EIPR1: variants seen among roughly 807,000 people sequenced by gnomAD.
The protein encoded by EIPR1 is EARP complex and GARP complex interacting protein 1.
Under a neutral mutation model 48.1 loss-of-function variants are expected in EIPR1, and 25 were observed. The observed-to-expected ratio is 0.52, with a 90% CI of 0.38 to 0.73. The LOEUF (loss-of-function observed/expected upper bound fraction) is 0.73. Among genes scored for constraint, EIPR1 ranks in the 30% least tolerant of loss-of-function variants. EIPR1 has a pLI of 0.00. For synonymous variants in EIPR1, 204 were observed against 201.9 expected, an observed-to-expected ratio of 1.01 and a Z score of -0.09; for missense variants, 415 against 506.2, an observed-to-expected ratio of 0.82 and a Z score of 1.73.
At chr2:3,289,038 G>A (rs545686149) in intron 3 of EIPR1, among the ~76,000 whole-genome samples, 3 of 152,316 alleles carry the variant, frequency 2.0e-5, no homozygotes, top group Admixed American at 6.5e-5. Context: ...TGACGCTCAC[G>A]CACTGCTCAG....
Position 3,198,827 on chromosome 2 carries a change from A to G in EIPR1, c.517-1810T>C, listed in dbSNP as rs1664900220. Among the ~76,000 whole-genome samples the G allele has an allele frequency of 2.0e-5, 3 of 152,170 alleles. No homozygotes were observed. The South Asian group carries it at 6.2e-4, about 32-fold the overall frequency. ...GGCAGAAGGTCAGGGTGAGATCACA[A>G]GGTCAGGGCGAAACTACAACCACTA... On this transcript the variant is annotated intron_variant, in intron 5 of 8. Transcript: ENST00000382125.
chr2:3,328,930 C>T (rs1669791196), intron 3 of EIPR1, among the ~76,000 whole-genome samples: 1 of 138,656 alleles, frequency 7.2e-6, no homozygotes, highest in Non-Finnish European at 1.6e-5. Context: ...TCAGAGCCCA[C>T]CTACCACGCT....
At chr2:3,353,702 T>C (rs115705020) in intron 2 of EIPR1, among the ~76,000 whole-genome samples, 2,151 of 152,286 alleles carry the variant, frequency 0.014, 47 homozygotes, top group African/African-American at 0.05. Context: ...AACATTTATT[T>C]ATGAAGCTCT....
intron 3 of EIPR1, among the ~76,000 whole-genome samples, chr2:3,335,718 T>C (rs1054828167): frequency 1.3e-5 from 2 of 152,190 alleles, no homozygotes; most frequent in African/African-American, 2.4e-5. Flanking sequence ...GCTGTTCTTG[T>C]GACAGTAAGA....
chr2:3,374,451 A>C (rs1231931295), intron 1 of EIPR1, among the ~76,000 whole-genome samples: 7 of 152,158 alleles, frequency 4.6e-5, no homozygotes, highest in African/African-American at 1.7e-4. Context: ...CAACCTACAA[A>C]ATGGGAGAAA....
At chr2:3,191,317 G>T (rs1243807555) in intron 8 of EIPR1, among the ~76,000 whole-genome samples, 2 of 148,772 alleles carry the variant, frequency 1.3e-5, no homozygotes, top group Non-Finnish European at 3.0e-5. Context: ...AGGGTCCGAA[G>T]ACAGAGACAA....
intron 3 of EIPR1, among the ~76,000 whole-genome samples, chr2:3,321,404 G>A (rs1437016146): frequency 2.0e-5 from 3 of 152,100 alleles, no homozygotes; most frequent in Non-Finnish European, 4.4e-5. Context: ...TGCCCCCGCC[G>A]CCCCGTCTTT....
chr2:3,237,932 C>T (rs1216651044), intron 4 of EIPR1, among the ~76,000 whole-genome samples: 1 of 152,176 alleles, frequency 6.6e-6, no homozygotes, highest in African/African-American at 2.4e-5. Context: ...GTGGTGCTGC[C>T]CTCCACGGGG....
At position 3,286,497 on chromosome 2, in the gene EIPR1, C is replaced by T. The variant is rs1029895183; in HGVS notation, c.260-29042G>A. Among the ~76,000 whole-genome samples the T allele has an allele frequency of 2.0e-5, 3 of 152,236 alleles. No homozygotes were observed. The highest frequency in any genetic ancestry group is 7.2e-5 in the African/African-American group (3 of 41,470). On this transcript the variant is annotated intron_variant, in intron 3 of 8. Coordinates refer to ENST00000382125, the MANE Select transcript of EIPR1 (RefSeq NM_003310.5). The surrounding 1 kb of genome is among the most constrained non-coding windows in gnomAD (Gnocchi z 4.2). Reference sequence around the variant, plus strand: ...CATGGGAAGACCGAGAGGTGAGGGACACTTGGTGTCCGTGACAGGGAAAGG... The same window carrying T: ...CATGGGAAGACCGAGAGGTGAGGGATACTTGGTGTCCGTGACAGGGAAAGG...
intron 3 of EIPR1, among the ~76,000 whole-genome samples, chr2:3,318,493 G>C (rs1323402993): frequency 2.6e-5 from 4 of 152,154 alleles, no homozygotes; most frequent in African/African-American, 9.7e-5. Context: ...AGTCAATGAG[G>C]ACAGAGAGAT....
chr2:3,323,320 G>A (rs1245535673), intron 3 of EIPR1, among the ~76,000 whole-genome samples: 3 of 152,180 alleles, frequency 2.0e-5, no homozygotes, highest in African/African-American at 7.2e-5. Flanking sequence ...AAGGTGATGT[G>A]GGGGTGGTAT....
At chr2:3,271,878 A>G (rs1033303227) in intron 3 of EIPR1, among the ~76,000 whole-genome samples, 3 of 152,194 alleles carry the variant, frequency 2.0e-5, no homozygotes, top group Admixed American at 6.5e-5. Flanking sequence ...AAAGTCCTAG[A>G]TGACTTATAC....
intron 1 of EIPR1, among the ~76,000 whole-genome samples, chr2:3,368,973 G>C (rs542751369): frequency 6.6e-6 from 1 of 152,208 alleles, no homozygotes; most frequent in Non-Finnish European, 1.5e-5. Context: ...TCAACGATCA[G>C]ATCTCTATCC....
At chr2:3,193,942 T>C in intron 7 of EIPR1, 57 bp downstream of exon 7, 4 of 1,584,354 alleles carry the variant, frequency 2.5e-6, no homozygotes, top group Non-Finnish European at 3.4e-6. Context: ...GGTAAAGTAA[T>C]TAGCAAAATC....
chr2:3,365,410 T>A (rs1447196848), intron 1 of EIPR1, among the ~76,000 whole-genome samples: 12 of 151,844 alleles, frequency 7.9e-5, no homozygotes, highest in Non-Finnish European at 1.8e-4. Flanking sequence ...AGTTCCAGGC[T>A]GCCATGAGCC....
chr2:3,290,816 C>T, intron 3 of EIPR1, among the ~76,000 whole-genome samples: 1 of 152,230 alleles, frequency 6.6e-6, no homozygotes, highest in East Asian at 1.9e-4. Context: ...AATCAACCAG[C>T]ACTAATTGCC....
At chr2:3,264,965 T>C (rs1667443017) in intron 3 of EIPR1, among the ~76,000 whole-genome samples, 2 of 152,142 alleles carry the variant, frequency 1.3e-5, no homozygotes, top group Admixed American at 6.5e-5. Flanking sequence ...GATTACAGGC[T>C]TGAGCCACCG....
At chr2:3,323,158 T>C (rs1459017586) in intron 3 of EIPR1, among the ~76,000 whole-genome samples, 3 of 151,870 alleles carry the variant, frequency 2.0e-5, no homozygotes, top group Admixed American at 6.6e-5. Flanking sequence ...CTCAGGATGA[T>C]AAAAATTATA....
intron 2 of EIPR1, among the ~76,000 whole-genome samples, chr2:3,345,425 G>C (rs1670368958): frequency 6.6e-6 from 1 of 152,070 alleles, no homozygotes; most frequent in African/African-American, 2.4e-5. Context: ...AGGAGTTCAA[G>C]ACTAGCCTGG....
Sources: allele counts gnomAD v4.1 joint callset (sites outside exome capture counted in the v4.1 genomes callset), GRCh38; gene constraint gnomAD v4.1.1; non-coding constraint Gnocchi (gnomAD v3.1); transcripts MANE v1.5; gene names NCBI Gene and HGNC (gene_info 2026-07-23, HGNC 2026-07-21).